Variants in BRCA1 observed in about 807,000 individuals in gnomAD.
BRCA1 encodes the protein BRCA1 DNA repair associated, also known as breast cancer type 1 susceptibility protein.
A neutral mutation model predicts 173.7 loss-of-function variants in BRCA1; 140 were observed. The ratio of observed to expected loss-of-function variants is 0.81; its 90% CI spans 0.70 to 0.93. The LOEUF (loss-of-function observed/expected upper bound fraction) is 0.93, where lower values mean the gene tolerates loss of function less well. BRCA1 is among the 40% of genes least tolerant of loss of function. The probability of loss-of-function intolerance (pLI) is 0.00; values close to 1 mark genes in which losing one functional copy is unlikely to be tolerated. For synonymous variants in BRCA1, 662 were observed against 756.0 expected (o/e 0.88, Z 2.04); for missense variants, 1,983 against 2,172.5 (o/e 0.91, Z 1.73).
At chr17:43,087,523 ATGG>A (rs1439832549) in intron 11 of BRCA1, among the ~76,000 whole-genome samples, 1 of 151,996 alleles carries the variant, frequency 6.6e-6, no homozygotes, top group Non-Finnish European at 1.5e-5. Flanking sequence ...TTAGCTGGGC[ATGG>A]TGGCACATGC....
At position 43,092,724 on chromosome 17, in the gene BRCA1, T is replaced by G. The variant is rs1377019132; in HGVS notation, c.2807A>C (p.Asp936Ala). Residue 936 changes from aspartate (D) to alanine (A), a missense_variant, in exon 10 of 23, where the codon GAT becomes GCT. Asp to Ala is a moderately radical substitution (Grantham distance 126). Transcript: ENST00000357654. ...TAGFPVVGQKDKPVDNAKCSI... is the reference protein window; with the variant it reads ...TAGFPVVGQKAKPVDNAKCSI... ...ACATTTGGCATTATCAACTGGCTTATCTTTCTGACCAACCACAGGAAAGCC... is the reference window on the plus strand; with the variant it reads ...ACATTTGGCATTATCAACTGGCTTAGCTTTCTGACCAACCACAGGAAAGCC... The G allele has an allele frequency of 1.2e-6, 2 of 1,614,180 alleles. No homozygotes were observed. Among genetic ancestry groups the G allele is most frequent in the South Asian group, 2.2e-5 (2 of 91,084 alleles).
chr17:43,121,330 G>C (rs1264086835), intron 2 of BRCA1, among the ~76,000 whole-genome samples: 8 of 152,012 alleles, frequency 5.3e-5, no homozygotes, highest in Non-Finnish European at 1.2e-4. Flanking sequence ...AGCCAAGATC[G>C]TGCCACTGCA....
rs200582930 is a variant in BRCA1, at chr17:43,076,558, G to A, written c.4414C>T (p.Leu1472Phe). Residue 1472 changes from leucine to phenylalanine, a missense_variant, in exon 13 of 23, where the codon CTT becomes TTT. Leu to Phe is a conservative substitution (Grantham distance 22). Coordinates refer to ENST00000357654, the MANE Select transcript of BRCA1 (RefSeq NM_007294.4). ...GACACCTCAAACTTGTCAGCAGAAAGGCCTTCTGGATTCTGGCTTATAGGG... is the reference window on the plus strand; with the variant it reads ...GACACCTCAAACTTGTCAGCAGAAAAGCCTTCTGGATTCTGGCTTATAGGG... ...EYPISQNPEG[L>F]SADKFEVSAD... 6.2e-7 allele frequency: 1 copy of A among 1,613,714 alleles called. No homozygotes were observed. The highest frequency in any genetic ancestry group is 1.7e-5 in the Admixed American group (1 of 60,004).
At position 43,067,614 on chromosome 17, in the gene BRCA1, T is replaced by A. The variant is rs397507239; in HGVS notation, c.5068A>T (p.Lys1690Ter). The change falls in exon 16 of 23, where the codon AAA becomes TAA. Residue 1690 changes from lysine to a stop codon, truncating the protein, a stop_gained. Transcript: ENST00000357654. LOFTEE classifies it high-confidence loss of function. The stretch of plus-strand genomic sequence containing the variant: ...GTAAAGGTTCTTGGTATACCTGTTT[T>A]CATAACAACATGAGTAGTCTCTTCA... Reference protein sequence around the residue: ...ITEETTHVVMKTDAEFVCERT... With the variant: ...ITEETTHVVM 2 of 1,610,276 alleles carry A rather than the reference T, an allele frequency of 1.2e-6. No homozygotes were observed. Among genetic ancestry groups the A allele is most frequent in the Non-Finnish European group, 8.5e-7 (1 of 1,176,496 alleles).
Position 43,045,741 on chromosome 17 carries a change from T to G in BRCA1, c.5529A>C (p.Ala1843=), listed in dbSNP as rs1160863525. The G allele has an allele frequency of 2.5e-6, 4 of 1,613,710 alleles. No individual in the cohort carries two copies. In the African/African-American group the frequency reaches 5.3e-5, roughly 22 times the overall value. Residue 1843 remains alanine, a synonymous_variant, in exon 23 of 23, where the codon GCA becomes GCC. Transcript: ENST00000357654. ...VTREWVLDSV[A]LYQCQELDTY... ...TGTCCAGCTCCTGGCACTGGTAGAG[T>G]GCTACACTGTCCAACACCCACTCTC...
chr17:43,096,725 A>T (rs1207625250), intron 8 of BRCA1, among the ~76,000 whole-genome samples: 1 of 152,190 alleles, frequency 6.6e-6, no homozygotes, highest in Non-Finnish European at 1.5e-5. Flanking sequence ...GTTGAAAATG[A>T]AGTCCTTGAA....
At chr17:43,140,397 C>A in intron 1 of BRCA1, 1 of 160,744 alleles carries the variant, frequency 6.2e-6, no homozygotes, top group Admixed American at 6.3e-5. Context: ...TTGTGGGGAC[C>A]TCCAATTTAT....
At position 43,100,616 on chromosome 17, in the gene BRCA1, ATAACATATATATATGT is replaced by A. The variant is rs1413351514; in HGVS notation, c.442-752_442-737del. Among the ~76,000 whole-genome samples the A allele has an allele frequency of 3.3e-4, 28 of 83,956 alleles. No homozygotes were observed. In the South Asian group the frequency reaches 4.3e-3, roughly 13 times the overall value. The allele number at this position is 83,956 out of a possible 152,430, so 55.1% of individuals were successfully genotyped here. ...TATATTATATATATATAACATATATATAACATATATATATGTTATATATATATAACATATATATAAC... is the reference window on the plus strand; with the variant it reads ...TATATTATATATATATAACATATATATATATATATATAACATATATATAAC... On this transcript the variant is annotated intron_variant, in intron 6 of 22. Transcript: ENST00000357654.
At chr17:43,121,468 T>C (rs2055569162) in intron 2 of BRCA1, among the ~76,000 whole-genome samples, 1 of 152,130 alleles carries the variant, frequency 6.6e-6, no homozygotes. Context: ...GAGGATCACC[T>C]GAGGTCAGGA....
chr17:43,135,867 G>A (rs569479968), intron 1 of BRCA1, among the ~76,000 whole-genome samples: 27 of 152,272 alleles, frequency 1.8e-4, no homozygotes, highest in African/African-American at 6.0e-4. Context: ...TTGAAGATGC[G>A]GTCCCGCCTC....
At chr17:43,100,572 A>AAT (rs1324146225) in intron 6 of BRCA1, among the ~76,000 whole-genome samples, 3 of 86,610 alleles carry the variant, frequency 3.5e-5, no homozygotes, top group Non-Finnish European at 2.2e-5. Context: ...ATATATATAT[A>AAT]ACATATATAT....
intron 11 of BRCA1, 69 bp from the exon 12 acceptor site, chr17:43,082,644 A>G (rs2053076308): frequency 6.6e-7 from 1 of 1,526,448 alleles, no homozygotes; most frequent in Non-Finnish European, 9.0e-7. Context: ...ATGAAAATAT[A>G]TCATACAAAT....
At chr17:43,156,798 C>T (rs2056200212) in intron 1 of BRCA1, among the ~76,000 whole-genome samples, 1 of 152,156 alleles carries the variant, frequency 6.6e-6, no homozygotes, top group African/African-American at 2.4e-5. Flanking sequence ...TATAAACACA[C>T]TGTAAACATA....
At chr17:43,069,980 C>T (rs1289334807) in intron 15 of BRCA1, among the ~76,000 whole-genome samples, 1 of 152,182 alleles carries the variant, frequency 6.6e-6, no homozygotes, top group African/African-American at 2.4e-5. Flanking sequence ...GTTGCCCAGG[C>T]TGGAGTGCAA....
rs533060897 is a variant in BRCA1, at chr17:43,169,872, GT to G, written c.-20+253del. ...CAGCGAGCTCACGACGCGCAGTCAC[GT>G]TTTTTTCCCCCCCTCTACACTGCAG... On this transcript the variant is annotated intron_variant, in intron 1 of 7. Coordinates refer to the BRCA1 transcript ENST00000634433. 1.8e-3 allele frequency: 655 copies of G among 361,332 alleles called. 1 individual carries two copies. Among genetic ancestry groups the G allele is most frequent in the Non-Finnish European group, 2.7e-3 (483 of 182,006 alleles). 22.4% of individuals were successfully genotyped at this position (361,332 alleles called of 1,614,324 possible). A position where few individuals can be genotyped will look rare whatever the true frequency, so the allele number is the denominator to read the frequency against.
intron 1 of BRCA1, among the ~76,000 whole-genome samples, chr17:43,131,873 T>A (rs1039418067): frequency 2.0e-5 from 3 of 152,148 alleles, no homozygotes; most frequent in Non-Finnish European, 4.4e-5. Flanking sequence ...AACCTCTGCT[T>A]CCTGGGTTGA....
chr17:43,123,128 G>A (rs1415178805), intron 2 of BRCA1, among the ~76,000 whole-genome samples: 30 of 151,758 alleles, frequency 2.0e-4, no homozygotes, highest in Admixed American at 2.0e-3. Flanking sequence ...CTACTCTGGA[G>A]GCTGAGGTGG....
chr17:43,049,997 G>A (rs1410863353), intron 20 of BRCA1: 1 of 398,456 alleles, frequency 2.5e-6, no homozygotes, highest in Admixed American at 4.4e-5. Context: ...AAATCCTTGA[G>A]TGGAACTTGG....
rs2053536450 is a variant in BRCA1, at chr17:43,091,801, G to A, written c.3730C>T (p.His1244Tyr). 6.2e-7 allele frequency: 1 copy of A among 1,614,174 alleles called. No individual in the cohort carries two copies. Among genetic ancestry groups the A allele is most frequent in the Non-Finnish European group, 8.5e-7 (1 of 1,180,024 alleles). ...AGACACTCGGTAGCAACGGTGCTAT[G>A]CCTAGTAGACTGAGAAGGTATATTG... ...VNNIPSQSTR[H>Y]STVATECLSK... The change falls in exon 10 of 23, where the codon CAT becomes TAT. Residue 1244 changes from histidine (H) to tyrosine (Y), a missense_variant. Coordinates refer to ENST00000357654, the MANE Select transcript of BRCA1 (RefSeq NM_007294.4).
Sources: gnomAD v4.1 joint callset for allele counts (sites outside exome capture counted in the v4.1 genomes callset) on GRCh38, gnomAD v4.1.1 for gene constraint, MANE v1.5 for transcripts, NCBI Gene and HGNC (gene_info 2026-07-23, HGNC 2026-07-21) for gene names.